Variants in C12orf42 observed in about 807,000 individuals in gnomAD.
The protein encoded by C12orf42 is chromosome 12 open reading frame 42.
Under a neutral mutation model 21.6 loss-of-function variants are expected in C12orf42, and 25 were observed. The ratio of observed to expected loss-of-function variants is 1.16; its 90% confidence interval spans 0.84 to 1.62. The LOEUF is 1.62. C12orf42 is among the 40% of genes most tolerant of loss of function. The probability of loss-of-function intolerance (pLI) is 0.00; values close to 1 mark genes in which losing one functional copy is unlikely to be tolerated. For missense variants in C12orf42, 483 were observed against 459.3 expected (o/e 1.05, Z -0.47); for synonymous variants, 174 against 175.0 (o/e 0.99, Z 0.05).
intron 2 of C12orf42, among the ~76,000 whole-genome samples, chr12:103,455,802 T>C (rs986193497): frequency 3.3e-5 from 5 of 152,156 alleles, no homozygotes; most frequent in Admixed American, 6.6e-5. Flanking sequence ...AACATTTGCT[T>C]GTTTTCTACT....
chr12:103,357,469 A>C lies in C12orf42; in HGVS notation c.259+11418T>G, dbSNP rs575036798. Among the ~76,000 whole-genome samples, 9 of 152,100 alleles carry C rather than the reference A, an allele frequency of 5.9e-5. No homozygotes were observed. In the South Asian group the frequency reaches 8.3e-4, roughly 14 times the overall value. On this transcript the variant is annotated intron_variant, in intron 4 of 5. Coordinates refer to ENST00000548883, the MANE Select transcript of C12orf42 (RefSeq NM_198521.5). ...CCATATTTGTTGCTTTTAACCAAAG[A>C]GTTAAGTATGTTATAAGAGGAATGC...
the C12orf42 span, among the ~76,000 whole-genome samples, chr12:103,085,757 C>T: frequency 1.3e-5 from 2 of 152,246 alleles, no homozygotes; most frequent in Admixed American, 1.3e-4. Flanking sequence ...CTTTCCCCCT[C>T]CCTTGGTCTT....
chr12:103,111,209 T>TA, the C12orf42 span, among the ~76,000 whole-genome samples: 45 of 151,222 alleles, frequency 3.0e-4, no homozygotes, highest in African/African-American at 8.2e-4. Flanking sequence ...AATAGAAATG[T>TA]AAAAAAAAAC....
intron 5 of C12orf42, chr12:103,273,687 T>C (rs2035594764): frequency 5.3e-6 from 2 of 375,410 alleles, no homozygotes; most frequent in Admixed American, 3.3e-5. Context: ...GGTATGGATA[T>C]AGTACAATTA....
intron 4 of C12orf42, among the ~76,000 whole-genome samples, chr12:103,315,636 A>C (rs892745065): frequency 2.6e-5 from 4 of 151,824 alleles, no homozygotes; most frequent in Non-Finnish European, 5.9e-5. Flanking sequence ...ATGGGGCAGA[A>C]AAAAATATAT....
chr12:103,174,543 T>C, the C12orf42 span, among the ~76,000 whole-genome samples: 1 of 152,076 alleles, frequency 6.6e-6, no homozygotes, highest in African/African-American at 2.4e-5. Flanking sequence ...AGCTGTTAGG[T>C]AATAGAGATA....
chr12:103,340,578 C>T (rs1256058352), intron 4 of C12orf42, among the ~76,000 whole-genome samples: 3 of 152,042 alleles, frequency 2.0e-5, no homozygotes, highest in East Asian at 3.8e-4. Context: ...ATATCCAGCA[C>T]CCAAAAGGGT....
At chr12:103,349,700 A>G (rs2042946960) in intron 4 of C12orf42, among the ~76,000 whole-genome samples, 3 of 152,192 alleles carry the variant, frequency 2.0e-5, no homozygotes, top group Admixed American at 2.0e-4. Flanking sequence ...TTCAAATGCC[A>G]AAGACAATGT....
chr12:103,363,186 C>T (rs145129033), intron 4 of C12orf42, among the ~76,000 whole-genome samples: 76 of 152,230 alleles, frequency 5.0e-4, no homozygotes, highest in African/African-American at 1.7e-3. Flanking sequence ...GGATTGGAAA[C>T]CTTTCTTCAG....
intron 5 of C12orf42, among the ~76,000 whole-genome samples, chr12:103,275,879 T>C (rs1334476498): frequency 6.6e-6 from 1 of 152,042 alleles, no homozygotes; most frequent in Non-Finnish European, 1.5e-5. Context: ...GAGACCAGCC[T>C]GGGCAAAATA....
intron 3 of C12orf42, among the ~76,000 whole-genome samples, chr12:103,389,570 T>C (rs185382480): frequency 1.3e-5 from 2 of 152,336 alleles, no homozygotes; most frequent in East Asian, 1.9e-4. Flanking sequence ...TCCAAGGACT[T>C]GTTAACCCGT....
intron 4 of C12orf42, among the ~76,000 whole-genome samples, chr12:103,366,867 G>A (rs924823083): frequency 2.0e-5 from 3 of 151,954 alleles, no homozygotes; most frequent in Non-Finnish European, 2.9e-5. Context: ...GTAAACTAGT[G>A]CAACCGCTAT....
chr12:103,275,740 A>ATTTT (rs202030025), intron 5 of C12orf42, among the ~76,000 whole-genome samples: 35 of 139,748 alleles, frequency 2.5e-4, no homozygotes, highest in Middle Eastern at 3.8e-3. Context: ...ATCAAGTAGG[A>ATTTT]TTTTTTTTTT....
chr12:103,210,721 T>C, the C12orf42 span, among the ~76,000 whole-genome samples: 1 of 142,662 alleles, frequency 7.0e-6, no homozygotes, highest in African/African-American at 2.5e-5. Context: ...CAATAAAACA[T>C]ACAGGAAGTT....
the C12orf42 span, among the ~76,000 whole-genome samples, chr12:103,524,879 G>A: frequency 7.6e-6 from 1 of 131,290 alleles, no homozygotes; most frequent in Non-Finnish European, 1.5e-5. Context: ...TTTGATCAGA[G>A]TTATCTTCTC....
intron 4 of C12orf42, among the ~76,000 whole-genome samples, chr12:103,311,328 A>G (rs2038954886): frequency 6.6e-6 from 1 of 151,728 alleles, no homozygotes; most frequent in African/African-American, 2.4e-5. Context: ...AGTTTCTACC[A>G]TATACTAGAT....
At chr12:103,201,362 A>G in the C12orf42 span, among the ~76,000 whole-genome samples, 1 of 152,140 alleles carries the variant, frequency 6.6e-6, no homozygotes, top group African/African-American at 2.4e-5. Flanking sequence ...CTTGCTTTGG[A>G]GCTTCTTCTC....
chr12:103,489,556 G>T (rs1292796248), intron 1 of C12orf42, among the ~76,000 whole-genome samples: 1 of 152,248 alleles, frequency 6.6e-6, no homozygotes, highest in Non-Finnish European at 1.5e-5. Flanking sequence ...CCTGCCCAAA[G>T]AAGTGCCTCT....
the C12orf42 span, chr12:103,548,706 A>AT: frequency 6.6e-6 from 1 of 152,240 alleles, no homozygotes; most frequent in Non-Finnish European, 1.5e-5. Context: ...ACATATGAGC[A>AT]TAACAGTCGT....
Sources: gnomAD v4.1 joint callset for allele counts (sites outside exome capture counted in the v4.1 genomes callset) on GRCh38, gnomAD v4.1.1 for gene constraint, MANE v1.5 for transcripts, NCBI Gene and HGNC (gene_info 2026-07-23, HGNC 2026-07-21) for gene names.